Variants in BTBD9 observed in about 807,000 individuals in gnomAD.
BTBD9 encodes the protein BTB domain containing 9.
Under a neutral mutation model 64.3 loss-of-function variants are expected in BTBD9, and 49 were observed. The ratio of observed to expected loss-of-function variants is 0.76; its 90% CI spans 0.61 to 0.97. BTBD9 has a LOEUF of 0.97. Ranked by LOEUF, BTBD9 falls within the 50% of genes least tolerant of loss-of-function variation. The pLI is 0.00. For synonymous variants in BTBD9, 260 were observed against 274.7 expected (o/e 0.95, Z 0.53); for missense variants, 598 against 762.1 (o/e 0.78, Z 2.53).
At chr6:38,424,168 A>G (rs1278327930) in intron 6 of BTBD9, among the ~76,000 whole-genome samples, 1 of 152,018 alleles carries the variant, frequency 6.6e-6, no homozygotes, top group East Asian at 1.9e-4. Flanking sequence ...AGTGGATTAT[A>G]TTTCCAAGGC....
intron 7 of BTBD9, among the ~76,000 whole-genome samples, chr6:38,291,404 T>TG (rs1236187006): frequency 6.6e-6 from 1 of 152,220 alleles, no homozygotes; most frequent in East Asian, 1.9e-4. Flanking sequence ...GTTGAGACGA[T>TG]GGGATTATCT....
intron 6 of BTBD9, among the ~76,000 whole-genome samples, chr6:38,418,490 T>C (rs78637277): frequency 2.0e-5 from 3 of 152,178 alleles, no homozygotes; most frequent in Non-Finnish European, 4.4e-5. Flanking sequence ...GTGAGTGAGT[T>C]TGCTGGTTGC....
chr6:38,395,902 G>A (rs1766647637), intron 6 of BTBD9, among the ~76,000 whole-genome samples: 1 of 152,006 alleles, frequency 6.6e-6, no homozygotes, highest in Non-Finnish European at 1.5e-5. Context: ...GTAGAGATGG[G>A]GTTTCACCAT....
intron 4 of BTBD9, among the ~76,000 whole-genome samples, chr6:38,585,158 T>C (rs1032156273): frequency 1.3e-5 from 2 of 152,110 alleles, no homozygotes; most frequent in Non-Finnish European, 2.9e-5. Context: ...GTACCGACAC[T>C]ACACACTCCC....
chr6:38,385,520 C>G (rs1766118042), intron 6 of BTBD9, among the ~76,000 whole-genome samples: 1 of 151,928 alleles, frequency 6.6e-6, no homozygotes, highest in African/African-American at 2.4e-5. Context: ...AAAATCTTAA[C>G]AGTCAGCTGA....
chr6:38,365,546 C>G (rs1765151408), intron 6 of BTBD9, among the ~76,000 whole-genome samples: 1 of 152,004 alleles, frequency 6.6e-6, no homozygotes, highest in Non-Finnish European at 1.5e-5. Context: ...GTTCAAGGAC[C>G]AGCTTAGGCA....
chr6:38,492,324 T>C (rs143374787), intron 6 of BTBD9, among the ~76,000 whole-genome samples: 196 of 152,318 alleles, frequency 1.3e-3, no homozygotes, highest in African/African-American at 4.4e-3. Flanking sequence ...CTTTAGCCCA[T>C]GCTATTTCTA....
At chr6:38,316,724 T>A (rs1763041113) in intron 7 of BTBD9, among the ~76,000 whole-genome samples, 1 of 152,190 alleles carries the variant, frequency 6.6e-6, no homozygotes, top group South Asian at 2.1e-4. Flanking sequence ...ATGAGTGGTT[T>A]ATATACTACA....
intron 7 of BTBD9, among the ~76,000 whole-genome samples, chr6:38,299,882 T>C (rs1373000003): frequency 6.6e-6 from 1 of 152,236 alleles, no homozygotes; most frequent in Non-Finnish European, 1.5e-5. Context: ...TTTGTCAATT[T>C]TGGCTTTTGT....
chr6:38,464,374 G>T, intron 6 of BTBD9, among the ~76,000 whole-genome samples: 1 of 143,760 alleles, frequency 7.0e-6, no homozygotes, highest in Admixed American at 6.9e-5. Context: ...AACCAGCCTT[G>T]CATTCATGAA....
intron 6 of BTBD9, among the ~76,000 whole-genome samples, chr6:38,452,392 T>C (rs1769595926): frequency 6.6e-6 from 1 of 152,102 alleles, no homozygotes; most frequent in Non-Finnish European, 1.5e-5. Flanking sequence ...ATTGCAATCA[T>C]TTTGAAACTT....
intron 1 of BTBD9, among the ~76,000 whole-genome samples, chr6:38,613,251 T>C (rs1777670503): frequency 6.6e-6 from 1 of 152,242 alleles, no homozygotes; most frequent in Non-Finnish European, 1.5e-5. Context: ...ACTCACATTA[T>C]AGTCCTGTTT....
At chr6:38,439,322 T>C (rs1768915349) in intron 6 of BTBD9, among the ~76,000 whole-genome samples, 1 of 151,242 alleles carries the variant, frequency 6.6e-6, no homozygotes, top group Admixed American at 6.6e-5. Context: ...GAGATGGTGT[T>C]TCACCATGCT....
rs908797902 is a variant in BTBD9 at position 38,170,889 on chromosome 6, A to G, written c.*4096T>C. On this transcript the variant is annotated 3_prime_UTR_variant, in exon 11 of 11. Transcript: ENST00000481247. ...ACCTGCCCTGCCCGGGCCGTGCCCGACCTGGGCATCGCTCGGAGGAGCTGG... is the reference window on the plus strand; with the variant it reads ...ACCTGCCCTGCCCGGGCCGTGCCCGGCCTGGGCATCGCTCGGAGGAGCTGG... 2.6e-5 allele frequency: 4 copies of G among 152,384 alleles called. No individual in the cohort carries two copies. The East Asian group carries it at 7.7e-4, about 29-fold the overall frequency. The allele number at this position is 152,384 out of a possible 1,614,324, so 9.4% of individuals were successfully genotyped here. A position where few individuals can be genotyped will look rare whatever the true frequency, so the allele number is the denominator to read the frequency against.
At chr6:38,522,483 T>C (rs974724354) in intron 6 of BTBD9, among the ~76,000 whole-genome samples, 1 of 152,238 alleles carries the variant, frequency 6.6e-6, no homozygotes, top group Non-Finnish European at 1.5e-5. Context: ...ACTGACTATG[T>C]GCTCTGTTTG....
intron 6 of BTBD9, among the ~76,000 whole-genome samples, chr6:38,348,163 T>C (rs1764362094): frequency 6.6e-6 from 1 of 152,080 alleles, no homozygotes; most frequent in Admixed American, 6.6e-5. Context: ...AAAGAAGTTA[T>C]TACTACCCAA....
At chr6:38,510,439 A>AAAGG (rs1365695932) in intron 6 of BTBD9, among the ~76,000 whole-genome samples, 4 of 152,316 alleles carry the variant, frequency 2.6e-5, no homozygotes, top group African/African-American at 9.6e-5. Context: ...GAGTGAATGT[A>AAAGG]AAGGCCTAGA....
At chr6:38,223,415 G>A (rs1763283764) in intron 9 of BTBD9, among the ~76,000 whole-genome samples, 1 of 152,130 alleles carries the variant, frequency 6.6e-6, no homozygotes, top group Non-Finnish European at 1.5e-5. Context: ...GTTCACTGCA[G>A]CCTCAAACTC....
intron 9 of BTBD9, among the ~76,000 whole-genome samples, chr6:38,228,636 G>A (rs567986390): frequency 8.7e-4 from 132 of 152,088 alleles, no homozygotes; most frequent in South Asian, 2.5e-3. Context: ...AGCACTTTGG[G>A]AGGCCGAGGT....
Sources: allele counts gnomAD v4.1 joint callset (sites outside exome capture counted in the v4.1 genomes callset), GRCh38; gene constraint gnomAD v4.1.1; transcripts MANE v1.5; gene names NCBI Gene and HGNC (gene_info 2026-07-23, HGNC 2026-07-21).